SULF1: variants seen among roughly 807,000 people sequenced by gnomAD.
SULF1 encodes sulfatase 1.
Under a neutral mutation model 110.5 loss-of-function variants are expected in SULF1, and 46 were observed. The observed-to-expected ratio is 0.42, with a 90% CI of 0.33 to 0.53. SULF1 has a LOEUF of 0.53. Among genes scored for constraint, SULF1 ranks in the 20% least tolerant of loss-of-function variants. SULF1 has a pLI of 0.12. For missense variants in SULF1, 941 were observed against 1,094.2 expected, an observed-to-expected ratio of 0.86 and a Z score of 1.98; for synonymous variants, 371 against 387.1, an observed-to-expected ratio of 0.96 and a Z score of 0.49.
intron 3 of SULF1, among the ~76,000 whole-genome samples, chr8:69,517,793 G>T (rs1311332522): frequency 6.6e-6 from 1 of 152,112 alleles, no homozygotes; most frequent in Non-Finnish European, 1.5e-5. Context: ...TGTTTTCCTT[G>T]TGCATTTCTG....
At chr8:69,602,742 A>G (rs73683999) in intron 10 of SULF1, among the ~76,000 whole-genome samples, 11,982 of 152,284 alleles carry the variant, frequency 0.079, 1,034 homozygotes, top group African/African-American at 0.22. Context: ...AAACACCCTG[A>G]GAATTGTCAG....
intron 22 of SULF1, among the ~76,000 whole-genome samples, chr8:69,655,780 C>G (rs1812679812): frequency 6.6e-6 from 1 of 152,226 alleles, no homozygotes; most frequent in African/African-American, 2.4e-5. Flanking sequence ...TCACTCCCAG[C>G]TATTACCTGA....
At position 69,621,219 on chromosome 8, in the gene SULF1, A is replaced by C; in HGVS notation, c.1562A>C (p.Gln521Pro). The part of the protein sequence containing the change: ...YRASRSQRKS[Q>P]RQFLRNQGTP... ...GCCAGCAGAAGCCAAAGAAAGAGTC[A>C]ACGGCAATTCTTGAGAAACCAGGGG... Residue 521 changes from glutamine to proline, a missense_variant, in exon 14 of 23, where the codon CAA (glutamine) becomes CCA (proline). Physicochemically the swap from Gln to Pro is moderately conservative, Grantham distance 76. Transcript: ENST00000402687. 1 of 1,613,906 alleles carries C rather than the reference A, an allele frequency of 6.2e-7. No individual in the cohort carries two copies.
At chr8:69,573,433 A>G (rs1344035254) in intron 5 of SULF1, among the ~76,000 whole-genome samples, 3 of 152,216 alleles carry the variant, frequency 2.0e-5, no homozygotes, top group African/African-American at 7.2e-5. Flanking sequence ...TGTAGTCTAA[A>G]TGAGTCTGTA....
At chr8:69,498,309 C>G (rs771617194) in intron 2 of SULF1, among the ~76,000 whole-genome samples, 2 of 152,144 alleles carry the variant, frequency 1.3e-5, no homozygotes, top group Non-Finnish European at 2.9e-5. Flanking sequence ...TGTGGGCTGA[C>G]AATTTATTAT....
At chr8:69,632,999 CAGAGTG>C (rs1265463632) in intron 19 of SULF1, among the ~76,000 whole-genome samples, 1 of 144,500 alleles carries the variant, frequency 6.9e-6, no homozygotes, top group Admixed American at 7.1e-5. Flanking sequence ...GCCTGGGTGA[CAGAGTG>C]AGACCGCATG....
At chr8:69,542,537 G>A (rs76566564) in intron 3 of SULF1, among the ~76,000 whole-genome samples, 9 of 152,006 alleles carry the variant, frequency 5.9e-5, no homozygotes, top group East Asian at 1.9e-4. Context: ...TTTGACCCCC[G>A]AGAAATGGGG....
intron 3 of SULF1, among the ~76,000 whole-genome samples, chr8:69,535,519 A>G (rs1813375407): frequency 6.6e-6 from 1 of 152,166 alleles, no homozygotes; most frequent in South Asian, 2.1e-4. Context: ...AAACAAAATC[A>G]GGGACAGTTA....
At position 69,660,081 on chromosome 8, in the gene SULF1, C is replaced by T. The variant is rs1336634074; in HGVS notation, c.*1546C>T. 6.6e-6 allele frequency: 1 copy of T among 152,558 alleles called. No homozygotes were observed. The highest frequency in any genetic ancestry group is 1.5e-5 in the Non-Finnish European group (1 of 68,024). The allele number at this position is 152,558 out of a possible 1,614,324, so 9.5% of individuals were successfully genotyped here. ...TGAAGATTGCCTGCTCTCTCTGTGCCTAGCCTCAAAGCGTTCATCATACAT... is the reference window on the plus strand; with the variant it reads ...TGAAGATTGCCTGCTCTCTCTGTGCTTAGCCTCAAAGCGTTCATCATACAT... On this transcript the variant is annotated 3_prime_UTR_variant, in exon 23 of 23. Coordinates refer to ENST00000402687, the MANE Select transcript of SULF1 (RefSeq NM_001128205.2).
At chr8:69,631,381 C>G (rs1810533460) in intron 19 of SULF1, among the ~76,000 whole-genome samples, 1 of 152,176 alleles carries the variant, frequency 6.6e-6, no homozygotes, top group Non-Finnish European at 1.5e-5. Context: ...AGGCTCCCCT[C>G]TGGTCCTCAC....
chr8:69,517,955 A>G (rs937318568), intron 3 of SULF1, among the ~76,000 whole-genome samples: 2 of 152,228 alleles, frequency 1.3e-5, no homozygotes, highest in Non-Finnish European at 2.9e-5. Flanking sequence ...TTTTACATTT[A>G]TCATAGGCAT....
intron 22 of SULF1, among the ~76,000 whole-genome samples, chr8:69,643,599 A>G (rs915101038): frequency 6.6e-6 from 1 of 152,248 alleles, no homozygotes; most frequent in Non-Finnish European, 1.5e-5. Context: ...GGATTTCAAA[A>G]GTTAACCTTC....
chr8:69,635,747 G>A (rs2130653479), intron 19 of SULF1, among the ~76,000 whole-genome samples: 1 of 152,250 alleles, frequency 6.6e-6, no homozygotes, highest in African/African-American at 2.4e-5. Flanking sequence ...GTGCATACCT[G>A]TAGTCCCAGC....
chr8:69,493,448 T>TACACACACACACAC (rs56867664), intron 1 of SULF1, among the ~76,000 whole-genome samples: 24 of 144,386 alleles, frequency 1.7e-4, no homozygotes, highest in African/African-American at 5.4e-4. Flanking sequence ...CACACAACAC[T>TACACACACACACAC]ACACACACAC....
Position 69,630,304 on chromosome 8 carries a change from A to G in SULF1, c.2284+625A>G, listed in dbSNP as rs374704828. On this transcript the variant is annotated intron_variant, in intron 19 of 22. Transcript: ENST00000402687. Reference sequence around the variant, plus strand: ...TGCACATTATTCACTGAGGCCATATAGAAGTAATACCCCACATTCTTATAG... The same window carrying G: ...TGCACATTATTCACTGAGGCCATATGGAAGTAATACCCCACATTCTTATAG... Among the ~76,000 whole-genome samples the G allele has an allele frequency of 4.6e-4, 70 of 152,356 alleles. 2 individuals are homozygous for G. In the South Asian group the frequency reaches 0.014, roughly 31 times the overall value.
chr8:69,651,296 G>A (rs777195429), intron 22 of SULF1, among the ~76,000 whole-genome samples: 24 of 151,958 alleles, frequency 1.6e-4, no homozygotes, highest in Admixed American at 7.2e-4. Context: ...CAGGTGATCC[G>A]CCCACCTCAG....
At chr8:69,474,569 T>C (rs1937228153) in intron 1 of SULF1, among the ~76,000 whole-genome samples, 1 of 152,208 alleles carries the variant, frequency 6.6e-6, no homozygotes, top group South Asian at 2.1e-4. Flanking sequence ...TTTTTTCTTC[T>C]GAGAACTTTA....
chr8:69,644,059 C>T (rs940668476), intron 22 of SULF1, among the ~76,000 whole-genome samples: 1 of 152,186 alleles, frequency 6.6e-6, no homozygotes, highest in Non-Finnish European at 1.5e-5. Context: ...CTTCCTGATC[C>T]TTTGCTTCAA....
At chr8:69,646,938 A>ATTTTTTTTTT (rs532105097) in intron 22 of SULF1, among the ~76,000 whole-genome samples, 5 of 97,740 alleles carry the variant, frequency 5.1e-5, no homozygotes, top group Non-Finnish European at 8.1e-5. Flanking sequence ...GAGCCCTGGA[A>ATTTTTTTTTT]TTTTTTTTTT....
Sources: gnomAD v4.1 joint callset for allele counts (sites outside exome capture counted in the v4.1 genomes callset) on GRCh38, gnomAD v4.1.1 for gene constraint, MANE v1.5 for transcripts, NCBI Gene and HGNC (gene_info 2026-07-23, HGNC 2026-07-21) for gene names.